ULK4: variants seen among roughly 807,000 people sequenced by gnomAD.
The protein encoded by ULK4 is unc-51 like kinase 4.
In ULK4, 133 loss-of-function variants were observed where a neutral mutation model predicts 160.6. That is an observed-to-expected ratio of 0.83 (90% CI 0.72 to 0.96). The LOEUF (loss-of-function observed/expected upper bound fraction) is 0.96. Among genes scored for constraint, ULK4 ranks in the 40% least tolerant of loss-of-function variants. ULK4 has a pLI of 0.00. For missense variants in ULK4, 1,580 were observed against 1,499.5 expected (o/e 1.05, Z -0.89); for synonymous variants, 534 against 539.8 (o/e 0.99, Z 0.15).
intron 35 of ULK4, among the ~76,000 whole-genome samples, chr3:41,293,759 G>C (rs2079617074): frequency 6.6e-6 from 1 of 152,166 alleles, no homozygotes; most frequent in Admixed American, 6.5e-5. Flanking sequence ...ACAATGTCTG[G>C]CATACAGTAA....
At chr3:41,510,205 T>C (rs2125923309) in intron 32 of ULK4, among the ~76,000 whole-genome samples, 1 of 152,142 alleles carries the variant, frequency 6.6e-6, no homozygotes. Flanking sequence ...AAAACAAACA[T>C]TAAAGCAAGA....
chr3:41,376,569 A>C (rs935357696), intron 35 of ULK4, among the ~76,000 whole-genome samples: 16 of 149,886 alleles, frequency 1.1e-4, no homozygotes, highest in African/African-American at 4.0e-4. Context: ...AAGCATTCTT[A>C]TACACCAATA....
intron 31 of ULK4, among the ~76,000 whole-genome samples, chr3:41,573,975 G>T (rs1343200675): frequency 6.6e-6 from 1 of 152,162 alleles, no homozygotes; most frequent in Non-Finnish European, 1.5e-5. Context: ...TGTGTCACAG[G>T]CAGCTTAACC....
At chr3:41,867,118 C>T (rs367690732) in intron 17 of ULK4, among the ~76,000 whole-genome samples, 1 of 152,140 alleles carries the variant, frequency 6.6e-6, no homozygotes, top group African/African-American at 2.4e-5. Flanking sequence ...TCTATTGTTA[C>T]TTATCGAGTT....
intron 12 of ULK4, among the ~76,000 whole-genome samples, chr3:41,907,622 G>A (rs1201538030): frequency 6.6e-6 from 1 of 152,006 alleles, no homozygotes; most frequent in Non-Finnish European, 1.5e-5. Context: ...TAAATTGTAT[G>A]GTATGTCAAC....
chr3:41,490,310 A>T (rs528781377), intron 32 of ULK4, among the ~76,000 whole-genome samples: 17 of 152,310 alleles, frequency 1.1e-4, no homozygotes, highest in Middle Eastern at 3.4e-3. Flanking sequence ...GTCTGAGTTC[A>T]GCCCAGCATT....
At chr3:41,895,149 C>G (rs542804162) in intron 16 of ULK4, among the ~76,000 whole-genome samples, 1 of 152,122 alleles carries the variant, frequency 6.6e-6, no homozygotes. Context: ...GTGGCTCACA[C>G]CTGTAATCCT....
chr3:41,262,256 G>C (rs189539925), intron 35 of ULK4, among the ~76,000 whole-genome samples: 359 of 152,298 alleles, frequency 2.4e-3, no homozygotes, highest in African/African-American at 8.1e-3. Context: ...ATTCTGCCAT[G>C]GGGGGAGCTA....
intron 2 of ULK4, among the ~76,000 whole-genome samples, chr3:41,953,285 C>CACACAT (rs374288098): frequency 2.1e-4 from 18 of 85,922 alleles, no homozygotes; most frequent in East Asian, 3.7e-4. Context: ...CATATATACA[C>CACACAT]ATATATATAT....
At chr3:41,310,992 C>CA (rs1188818662) in intron 35 of ULK4, among the ~76,000 whole-genome samples, 20 of 139,992 alleles carry the variant, frequency 1.4e-4, no homozygotes, top group African/African-American at 2.4e-4. Context: ...GACCTCGTCT[C>CA]AAAAAAAAAT....
At chr3:41,720,582 GA>G (rs2037414769) in intron 22 of ULK4, among the ~76,000 whole-genome samples, 1 of 151,898 alleles carries the variant, frequency 6.6e-6, no homozygotes, top group Non-Finnish European at 1.5e-5. Flanking sequence ...AAAAGAAGAG[GA>G]AAAAATGAGC....
chr3:41,905,411 G>A (rs1717010), intron 12 of ULK4, among the ~76,000 whole-genome samples: 104,680 of 152,040 alleles, frequency 0.69, 39,419 homozygotes, highest in East Asian at 0.83. Flanking sequence ...AGAAACTTTT[G>A]TGAGCTGGGA....
intron 35 of ULK4, among the ~76,000 whole-genome samples, chr3:41,293,827 C>T (rs995571155): frequency 6.6e-6 from 1 of 152,160 alleles, no homozygotes; most frequent in African/African-American, 2.4e-5. Context: ...TATGGAAATA[C>T]TAATTTCATC....
At chr3:41,470,971 T>A (rs149574576) in intron 32 of ULK4, among the ~76,000 whole-genome samples, 2 of 152,108 alleles carry the variant, frequency 1.3e-5, no homozygotes, top group African/African-American at 4.8e-5. Flanking sequence ...TCCTTACCTA[T>A]TGATAATTAC....
At chr3:41,339,390 C>G (rs1194039369) in intron 35 of ULK4, among the ~76,000 whole-genome samples, 1 of 152,100 alleles carries the variant, frequency 6.6e-6, no homozygotes, top group Non-Finnish European at 1.5e-5. Context: ...AGCCCAGGAC[C>G]CTGGCCTCAA....
intron 34 of ULK4, among the ~76,000 whole-genome samples, chr3:41,446,709 A>G (rs1447472764): frequency 2.6e-5 from 3 of 115,428 alleles, no homozygotes; most frequent in Non-Finnish European, 5.0e-5. Context: ...GGGGAATATC[A>G]CACACCGGGG....
chr3:41,558,295 T>A (rs930480251), intron 32 of ULK4, among the ~76,000 whole-genome samples: 1 of 152,058 alleles, frequency 6.6e-6, no homozygotes, highest in Non-Finnish European at 1.5e-5. Flanking sequence ...AGAATAAAGA[T>A]CTCTATGTAC....
chr3:41,618,231 A>AT (rs1228289938), intron 30 of ULK4, among the ~76,000 whole-genome samples: 11 of 152,280 alleles, frequency 7.2e-5, no homozygotes, highest in African/African-American at 2.6e-4. Context: ...CTTCCCCACC[A>AT]TAGCAAGATA....
At chr3:41,842,179 A>G (rs2041946344) in intron 17 of ULK4, among the ~76,000 whole-genome samples, 1 of 128,588 alleles carries the variant, frequency 7.8e-6, no homozygotes, top group Admixed American at 7.5e-5. Flanking sequence ...ATGAACATGT[A>G]AAAAAAAAAA....
Sources: allele counts gnomAD v4.1 joint callset (sites outside exome capture counted in the v4.1 genomes callset), GRCh38; gene constraint gnomAD v4.1.1; transcripts MANE v1.5; gene names NCBI Gene and HGNC (gene_info 2026-07-23, HGNC 2026-07-21).